CORO2B: variants seen among roughly 807,000 people sequenced by gnomAD.
CORO2B encodes coronin 2B, also known as coronin-2B.
CORO2B carries 26 observed loss-of-function variants against 58.8 expected under a neutral mutation model. That is an observed-to-expected ratio of 0.44 (90% CI 0.32 to 0.61). CORO2B has a LOEUF of 0.61. CORO2B is among the 20% of genes least tolerant of loss of function. CORO2B has a pLI of 0.04. For synonymous variants in CORO2B, 242 were observed against 253.8 expected, an observed-to-expected ratio of 0.95 and a Z score of 0.44; for missense variants, 460 against 645.1, an observed-to-expected ratio of 0.71 and a Z score of 3.11.
At chr15:68,651,077 G>T (rs1046781349) in intron 2 of CORO2B, among the ~76,000 whole-genome samples, 12 of 152,208 alleles carry the variant, frequency 7.9e-5, no homozygotes, top group Non-Finnish European at 1.6e-4. Flanking sequence ...GAGGGGTGGG[G>T]TGGGTTACTG....
intron 1 of CORO2B, among the ~76,000 whole-genome samples, chr15:68,586,808 G>C (rs904408541): frequency 1.3e-5 from 2 of 152,066 alleles, no homozygotes; most frequent in African/African-American, 4.8e-5. Context: ...GCCAAGTTCA[G>C]TTGCCTACCC....
chr15:68,519,595 C>A, the CORO2B span, among the ~76,000 whole-genome samples: 1 of 152,150 alleles, frequency 6.6e-6, no homozygotes, highest in East Asian at 1.9e-4. Context: ...TTATCAATTT[C>A]ATTAGTCTTT....
At chr15:68,721,973 A>C (rs953392562) in intron 11 of CORO2B, among the ~76,000 whole-genome samples, 2 of 152,134 alleles carry the variant, frequency 1.3e-5, no homozygotes, top group Admixed American at 1.3e-4. Context: ...GGCTGGTCTT[A>C]AACTCCTGGG....
the CORO2B span, among the ~76,000 whole-genome samples, chr15:68,521,476 T>C: frequency 1.3e-5 from 2 of 152,352 alleles, no homozygotes; most frequent in South Asian, 4.1e-4. Context: ...GTAAAGTCAA[T>C]GTTTATTTAG....
intron 1 of CORO2B, among the ~76,000 whole-genome samples, chr15:68,600,428 C>T (rs1899952178): frequency 6.6e-6 from 1 of 152,178 alleles, no homozygotes; most frequent in Non-Finnish European, 1.5e-5. Flanking sequence ...TCCCTTCCCA[C>T]CAGCAGACAA....
intron 1 of CORO2B, among the ~76,000 whole-genome samples, chr15:68,592,749 G>A (rs1899737611): frequency 6.6e-6 from 1 of 152,162 alleles, no homozygotes; most frequent in Admixed American, 6.6e-5. Context: ...TGTACGGAAT[G>A]TACAGTATTC....
At chr15:68,561,836 T>C in the CORO2B span, among the ~76,000 whole-genome samples, 1 of 152,124 alleles carries the variant, frequency 6.6e-6, no homozygotes, top group Non-Finnish European at 1.5e-5. Context: ...CTAGTGTGCT[T>C]GGTGAGCCTG....
intron 2 of CORO2B, among the ~76,000 whole-genome samples, chr15:68,669,854 C>G (rs548137276): frequency 3.9e-5 from 6 of 152,012 alleles, no homozygotes; most frequent in Non-Finnish European, 8.8e-5. Context: ...GTCAGGACTT[C>G]GAGACCAGCC....
the CORO2B span, among the ~76,000 whole-genome samples, chr15:68,566,797 AG>A: frequency 1.3e-5 from 2 of 152,180 alleles, no homozygotes; most frequent in South Asian, 4.1e-4. Flanking sequence ...AGGGTTATGG[AG>A]GCCCAGGGAT....
the CORO2B span, among the ~76,000 whole-genome samples, chr15:68,537,676 G>A: frequency 6.0e-4 from 92 of 152,226 alleles, no homozygotes; most frequent in African/African-American, 2.1e-3. Flanking sequence ...CCCAGTGTGT[G>A]TTGTTCCCCT....
chr15:68,532,484 G>T, the CORO2B span, among the ~76,000 whole-genome samples: 1 of 151,832 alleles, frequency 6.6e-6, no homozygotes, highest in African/African-American at 2.4e-5. Context: ...GTAATTTTAG[G>T]TTCTTTTTTA....
the CORO2B span, among the ~76,000 whole-genome samples, chr15:68,547,389 T>C: frequency 6.6e-6 from 1 of 152,216 alleles, no homozygotes; most frequent in East Asian, 1.9e-4. Flanking sequence ...ACTGCTTCCT[T>C]TATTTTAAAA....
intron 2 of CORO2B, among the ~76,000 whole-genome samples, chr15:68,682,901 G>T (rs1327933150): frequency 6.6e-6 from 1 of 152,210 alleles, no homozygotes; most frequent in Admixed American, 6.5e-5. Flanking sequence ...CTACAGGAGA[G>T]GTGTGTGGAA....
intron 2 of CORO2B, among the ~76,000 whole-genome samples, chr15:68,685,386 T>A (rs937866674): frequency 6.6e-6 from 1 of 152,138 alleles, no homozygotes; most frequent in African/African-American, 2.4e-5. Flanking sequence ...AATTTTTGTA[T>A]TTTTTAGTAA....
chr15:68,562,489 A>C, the CORO2B span, among the ~76,000 whole-genome samples: 1 of 152,244 alleles, frequency 6.6e-6, no homozygotes, highest in Non-Finnish European at 1.5e-5. Flanking sequence ...TAGGGTTCTC[A>C]GATAAAATAT....
At chr15:68,712,559 T>C (rs1217914040) in intron 5 of CORO2B, among the ~76,000 whole-genome samples, 1 of 152,160 alleles carries the variant, frequency 6.6e-6, no homozygotes, top group Non-Finnish European at 1.5e-5. Flanking sequence ...ATCCAAAATC[T>C]GAAACACTTC....
At chr15:68,547,166 G>T in the CORO2B span, among the ~76,000 whole-genome samples, 2 of 152,150 alleles carry the variant, frequency 1.3e-5, no homozygotes, top group Non-Finnish European at 2.9e-5. Context: ...CCAAATATCT[G>T]CAGCTGAGCT....
intron 2 of CORO2B, among the ~76,000 whole-genome samples, chr15:68,686,256 G>A (rs188766805): frequency 0.012 from 1,860 of 151,584 alleles, 17 homozygotes; most frequent in Non-Finnish European, 0.021. Context: ...GGCTGGTCTC[G>A]AACTCCTGAC....
intron 2 of CORO2B, among the ~76,000 whole-genome samples, chr15:68,654,714 C>A (rs187426871): frequency 5.9e-5 from 9 of 152,358 alleles, no homozygotes; most frequent in African/African-American, 1.9e-4. Flanking sequence ...GCACTTAGCA[C>A]GTAGCCTGGC....
Sources: allele counts gnomAD v4.1 joint callset (sites outside exome capture counted in the v4.1 genomes callset), GRCh38; gene constraint gnomAD v4.1.1; transcripts MANE v1.5; gene names NCBI Gene and HGNC (gene_info 2026-07-23, HGNC 2026-07-21).